The following ASAH2 variants were observed in gnomAD, a reference collection of about 807,000 sequenced individuals.
ASAH2 encodes the protein neutral ceramidase.
ASAH2 carries 58 observed loss-of-function variants against 82.9 expected under a neutral mutation model. The observed-to-expected ratio is 0.70, with a 90% CI of 0.57 to 0.87. The LOEUF (loss-of-function observed/expected upper bound fraction) is 0.87, where lower values mean the gene tolerates loss of function less well. Ranked by LOEUF, ASAH2 falls within the 40% of genes least tolerant of loss-of-function variation. The pLI is 0.00. For missense variants in ASAH2, 779 were observed against 834.0 expected, an observed-to-expected ratio of 0.93 and a Z score of 0.81; for synonymous variants, 276 against 289.7, an observed-to-expected ratio of 0.95 and a Z score of 0.48.
At chr10:50,197,777 T>C (rs199972836) in intron 17 of ASAH2, among the ~76,000 whole-genome samples, 1 of 151,618 alleles carries the variant, frequency 6.6e-6, no homozygotes, top group East Asian at 1.9e-4. Flanking sequence ...TCATTGTCAC[T>C]ACAAAATTTG....
chr10:50,229,609 T>C (rs1377791050), intron 7 of ASAH2, among the ~76,000 whole-genome samples: 2 of 152,174 alleles, frequency 1.3e-5, no homozygotes, highest in Non-Finnish European at 2.9e-5. Context: ...AAAAACAAAT[T>C]CTTTGTCATG....
At chr10:50,205,803 T>C (rs1178960319) in intron 13 of ASAH2, among the ~76,000 whole-genome samples, 179 bp downstream of exon 13, 1 of 151,948 alleles carries the variant, frequency 6.6e-6, no homozygotes, top group Non-Finnish European at 1.5e-5. Flanking sequence ...ATATAATTCA[T>C]TGCCATAACC....
chr10:50,233,631 A>T (rs1193769704), intron 6 of ASAH2, among the ~76,000 whole-genome samples: 5 of 152,182 alleles, frequency 3.3e-5, no homozygotes, highest in African/African-American at 4.8e-5. Context: ...GCAAAATCAA[A>T]AGCATTCAAG....
intron 7 of ASAH2, among the ~76,000 whole-genome samples, chr10:50,224,102 A>C (rs990372425): frequency 3.9e-5 from 6 of 152,176 alleles, no homozygotes; most frequent in Admixed American, 3.9e-4. Flanking sequence ...CAGTAGCTGA[A>C]AATACCAGCT....
At chr10:50,207,402 G>T (rs2133204117) in intron 12 of ASAH2, among the ~76,000 whole-genome samples, 1 of 151,508 alleles carries the variant, frequency 6.6e-6, no homozygotes, top group Middle Eastern at 3.4e-3. Context: ...TTTTTGAAAA[G>T]GTCAACAAAA....
chr10:50,239,423 A>G (rs1418871452), intron 4 of ASAH2, among the ~76,000 whole-genome samples: 1 of 152,144 alleles, frequency 6.6e-6, no homozygotes, highest in Non-Finnish European at 1.5e-5. Flanking sequence ...TAACACCTAC[A>G]AAACAACACA....
chr10:50,245,906 C>T (rs566378995), intron 2 of ASAH2, among the ~76,000 whole-genome samples: 2 of 152,102 alleles, frequency 1.3e-5, no homozygotes, highest in South Asian at 2.1e-4. Flanking sequence ...CAGCTAGATC[C>T]GACTCAACTC....
chr10:50,213,186 C>A, intron 9 of ASAH2, 128 bp from the exon 10 acceptor site: 1 of 861,576 alleles, frequency 1.2e-6, no homozygotes, highest in Non-Finnish European at 2.0e-6. Flanking sequence ...TTCAGGTAGT[C>A]TCTCAAAGTA....
intron 10 of ASAH2, 150 bp downstream of exon 10, chr10:50,212,822 C>A: frequency 1.3e-6 from 1 of 780,020 alleles, no homozygotes; most frequent in East Asian, 2.6e-5. Context: ...ATTGCAAAGG[C>A]CACCTCCCAA....
chr10:50,241,760 AC>A (rs1333799064), intron 4 of ASAH2, among the ~76,000 whole-genome samples: 2 of 152,196 alleles, frequency 1.3e-5, no homozygotes, highest in African/African-American at 2.4e-5. Context: ...AAAGCTGGAA[AC>A]CATCATTCTC....
intron 12 of ASAH2, among the ~76,000 whole-genome samples, chr10:50,207,779 A>G (rs1404144062): frequency 2.0e-5 from 3 of 151,922 alleles, no homozygotes; most frequent in Non-Finnish European, 4.4e-5. Flanking sequence ...TTTCCAAAAT[A>G]ATAGAAAAGG....
intron 3 of ASAH2, among the ~76,000 whole-genome samples, 174 bp from the exon 4 acceptor site, chr10:50,243,525 G>C (rs1457041489): frequency 6.6e-6 from 1 of 152,186 alleles, no homozygotes; most frequent in African/African-American, 2.4e-5. Context: ...AAGGAACAAA[G>C]AAAGCCAAAA....
At chr10:50,249,882 C>A (rs1469634750) in intron 1 of ASAH2, among the ~76,000 whole-genome samples, 1 of 152,014 alleles carries the variant, frequency 6.6e-6, no homozygotes, top group Non-Finnish European at 1.5e-5. Context: ...GTATTGGAAT[C>A]CCAGGATTTG....
chr10:50,201,358 T>C (rs1177840111), intron 16 of ASAH2, among the ~76,000 whole-genome samples: 6 of 152,110 alleles, frequency 3.9e-5, no homozygotes, highest in African/African-American at 9.7e-5. Flanking sequence ...GTGCACTGTA[T>C]GTAATACATG....
At chr10:50,235,853 G>A in intron 5 of ASAH2, 35 bp downstream of exon 5, 3 of 1,607,688 alleles carry the variant, frequency 1.9e-6, no homozygotes, top group Non-Finnish European at 2.6e-6. Flanking sequence ...GTAAGCAATG[G>A]TAAAGAACAG....
At chr10:50,233,615 G>A (rs1846070892) in intron 6 of ASAH2, among the ~76,000 whole-genome samples, 1 of 152,012 alleles carries the variant, frequency 6.6e-6, no homozygotes, top group Admixed American at 6.6e-5. Flanking sequence ...AAAGAGCAGG[G>A]AATTTGCAAA....
chr10:50,241,494 C>A (rs1011155640), intron 4 of ASAH2, among the ~76,000 whole-genome samples: 1 of 151,958 alleles, frequency 6.6e-6, no homozygotes, highest in Admixed American at 6.6e-5. Context: ...TAGCAAAGTA[C>A]CTTACAAAAA....
intron 7 of ASAH2, among the ~76,000 whole-genome samples, chr10:50,232,487 T>C (rs1403211780): frequency 6.6e-6 from 1 of 152,100 alleles, no homozygotes; most frequent in African/African-American, 2.4e-5. Flanking sequence ...TGCAAGTCCA[T>C]AGGTCAAAGA....
chr10:50,243,407 C>T (rs1846361032), intron 3 of ASAH2, 56 bp from the exon 4 acceptor site: 2 of 1,578,668 alleles, frequency 1.3e-6, no homozygotes, highest in Non-Finnish European at 1.7e-6. Flanking sequence ...CTACTAGAAA[C>T]CAGGCACAAA....
Sources: allele counts gnomAD v4.1 joint callset (sites outside exome capture counted in the v4.1 genomes callset), GRCh38; gene constraint gnomAD v4.1.1; transcripts MANE v1.5; gene names NCBI Gene and HGNC (gene_info 2026-07-23, HGNC 2026-07-21).